The following ELP1 variants were observed in gnomAD, a reference collection of about 807,000 sequenced individuals.
The protein encoded by ELP1 is elongator complex protein 1.
Under a neutral mutation model 183.2 loss-of-function variants are expected in ELP1, and 131 were observed. That is an observed-to-expected ratio of 0.72 (90% confidence interval 0.62 to 0.83). The LOEUF is 0.83. ELP1 is among the 40% of genes least tolerant of loss of function. The pLI, the probability that ELP1 is intolerant of heterozygous loss-of-function variation, is 0.00. For missense variants in ELP1, 1,550 were observed against 1,594.9 expected (o/e 0.97, Z 0.48); for synonymous variants, 555 against 569.0 (o/e 0.98, Z 0.35).
intron 36 of ELP1, among the ~76,000 whole-genome samples, chr9:108,870,532 G>C (rs952572885): frequency 3.3e-5 from 5 of 152,156 alleles, no homozygotes; most frequent in Admixed American, 2.6e-4. Context: ...AAGTAGAGGA[G>C]GAAGTGGAGG....
At position 108,903,674 on chromosome 9, in the gene ELP1, C is replaced by T. The variant is rs747025041; in HGVS notation, c.1644-5G>A. On this transcript the variant is annotated splice_polypyrimidine_tract_variant and splice_region_variant and intron_variant, in intron 14 of 36. Coordinates refer to ENST00000374647, the MANE Select transcript of ELP1 (RefSeq NM_003640.5). ...CCATCCACCGCTGCAGATGAACTGA[C>T]AAAAAAAAGGAGAAGGGAGTGTAAA... The T allele has an allele frequency of 9.4e-6, 15 of 1,602,160 alleles. No individual in the cohort carries two copies. Among genetic ancestry groups the T allele is most frequent in the Non-Finnish European group, 1.3e-5 (15 of 1,170,856 alleles).
chr9:108,873,809 C>A (rs959575547), intron 36 of ELP1, among the ~76,000 whole-genome samples: 13 of 152,056 alleles, frequency 8.5e-5, no homozygotes, highest in Non-Finnish European at 1.9e-4. Flanking sequence ...TCACTTGAGA[C>A]CAGGAGGCTG....
intron 35 of ELP1, among the ~76,000 whole-genome samples, chr9:108,876,519 G>A (rs539897123): frequency 2.6e-5 from 4 of 152,200 alleles, no homozygotes; most frequent in East Asian, 1.9e-4. Flanking sequence ...CATGATAAGC[G>A]TATGTGTTTC....
intron 36 of ELP1, 139 bp from the exon 37 acceptor site, chr9:108,869,321 C>T (rs1827349036): frequency 2.6e-6 from 2 of 768,262 alleles, no homozygotes; most frequent in South Asian, 2.8e-5. Flanking sequence ...CATGTGTCTG[C>T]TACCCCTGCA....
chr9:108,873,686 T>C (rs555567187), intron 36 of ELP1, among the ~76,000 whole-genome samples: 1 of 152,120 alleles, frequency 6.6e-6, no homozygotes, highest in South Asian at 2.1e-4. Context: ...AAATAAACAA[T>C]GACCAAATGG....
chr9:108,875,419 G>A (rs1325113851), intron 35 of ELP1, among the ~76,000 whole-genome samples: 1 of 152,194 alleles, frequency 6.6e-6, no homozygotes, highest in Non-Finnish European at 1.5e-5. Flanking sequence ...TGTGCTCCAG[G>A]TAAAACACAA....
At chr9:108,878,352 G>A (rs1035076084) in intron 34 of ELP1, among the ~76,000 whole-genome samples, 7 of 152,304 alleles carry the variant, frequency 4.6e-5, no homozygotes, top group Non-Finnish European at 8.8e-5. Flanking sequence ...GGGGGCCTAC[G>A]CAGAAAGCAG....
intron 25 of ELP1, among the ~76,000 whole-genome samples, chr9:108,895,174 A>G (rs1285463734): frequency 1.3e-5 from 2 of 152,182 alleles, no homozygotes; most frequent in African/African-American, 4.8e-5. Context: ...GGTTGCAGTG[A>G]GCCAAGATGG....
At chr9:108,930,702 A>C (rs1204686377) in intron 2 of ELP1, among the ~76,000 whole-genome samples, 5 of 151,956 alleles carry the variant, frequency 3.3e-5, no homozygotes, top group Admixed American at 6.6e-5. Flanking sequence ...AAAAAAAAAA[A>C]AAAAAAAACC....
intron 35 of ELP1, 122 bp downstream of exon 35, chr9:108,877,873 A>T (rs1322205347): frequency 3.0e-5 from 30 of 1,010,360 alleles, no homozygotes; most frequent in Middle Eastern, 2.0e-4. Context: ...TAAATCTAAG[A>T]TAATTTAACT....
intron 32 of ELP1, 55 bp downstream of exon 32, chr9:108,879,997 G>A (rs1450506923): frequency 2.8e-6 from 3 of 1,083,038 alleles, no homozygotes; most frequent in Non-Finnish European, 4.3e-6. Flanking sequence ...ACAATGTGTG[G>A]CGTTACCCAA....
At chr9:108,909,246 T>G (rs1400001159) in intron 12 of ELP1, among the ~76,000 whole-genome samples, 1 of 152,154 alleles carries the variant, frequency 6.6e-6, no homozygotes, top group Non-Finnish European at 1.5e-5. Flanking sequence ...TGCCATCTGA[T>G]AGATCATATT....
intron 12 of ELP1, among the ~76,000 whole-genome samples, chr9:108,910,098 A>G (rs2132011301): frequency 6.6e-6 from 1 of 152,346 alleles, no homozygotes; most frequent in East Asian, 1.9e-4. Context: ...AGCATCATAC[A>G]GTTAAGTCCC....
chr9:108,889,641 T>C (rs1463541664), intron 28 of ELP1: 2 of 555,614 alleles, frequency 3.6e-6, no homozygotes, highest in Non-Finnish European at 6.5e-6. Context: ...TATGGGAAAA[T>C]GACCTGGTAT....
At chr9:108,882,594 C>CT (rs534835923) in intron 29 of ELP1, among the ~76,000 whole-genome samples, 43,450 of 136,536 alleles carry the variant, frequency 0.32, 8,825 homozygotes, top group African/African-American at 0.59. Flanking sequence ...TTTTTTTGTT[C>CT]TTTTTTTTTT....
chr9:108,892,909 G>T, intron 27 of ELP1, 77 bp downstream of exon 27: 1 of 963,826 alleles, frequency 1.0e-6, no homozygotes, highest in Non-Finnish European at 1.7e-6. Context: ...ATGGTGTTAT[G>T]AACTTAGGAT....
intron 6 of ELP1, among the ~76,000 whole-genome samples, chr9:108,919,736 C>T (rs1829574317): frequency 6.6e-6 from 1 of 152,098 alleles, no homozygotes; most frequent in Non-Finnish European, 1.5e-5. Flanking sequence ...GTAAGCTTCA[C>T]AACAGGGCAC....
chr9:108,903,549 AC>A lies in ELP1; in HGVS notation c.1750+13del. On this transcript the variant is annotated intron_variant, in intron 15 of 36. Transcript: ENST00000374647. Reference sequence around the variant, plus strand: ...GTAAGTCATAACATGCTTTCCTAACACCTTGATACTCACCCCAAAGGTACTT... The same window carrying A: ...GTAAGTCATAACATGCTTTCCTAACACTTGATACTCACCCCAAAGGTACTT... The A allele has an allele frequency of 6.5e-7, 1 of 1,538,030 alleles. No homozygotes were observed. The highest frequency in any genetic ancestry group is 1.4e-5 in the African/African-American group (1 of 73,282).
Position 108,879,441 on chromosome 9 carries a change from C to A in ELP1, c.3572+5G>T, listed in dbSNP as rs773132143. On this transcript the variant is annotated splice_donor_5th_base_variant and intron_variant, in intron 33 of 36. Transcript: ENST00000374647. Reference sequence around the variant, plus strand: ...GTCAATGTGCTGAATCAATGTGATACGTACGCTGATATCCTGGAGTTACTA... The same window carrying A: ...GTCAATGTGCTGAATCAATGTGATAAGTACGCTGATATCCTGGAGTTACTA... 44 of 1,590,414 alleles carry A rather than the reference C, an allele frequency of 2.8e-5. No homozygotes were observed. Among genetic ancestry groups the A allele is most frequent in the Non-Finnish European group, 3.6e-5 (42 of 1,158,498 alleles).
Sources: allele counts gnomAD v4.1 joint callset (sites outside exome capture counted in the v4.1 genomes callset), GRCh38; gene constraint gnomAD v4.1.1; transcripts MANE v1.5; gene names NCBI Gene and HGNC (gene_info 2026-07-23, HGNC 2026-07-21).